RNF128: variants seen among roughly 807,000 people sequenced by gnomAD.
The protein encoded by RNF128 is E3 ubiquitin-protein ligase RNF128.
In RNF128, 13 loss-of-function variants were observed where a neutral mutation model predicts 26.2. The ratio of observed to expected loss-of-function variants is 0.50; its 90% CI spans 0.32 to 0.79. The LOEUF (loss-of-function observed/expected upper bound fraction) is 0.79. Ranked by LOEUF, RNF128 falls within the 30% of genes least tolerant of loss-of-function variation. RNF128 has a pLI of 0.03. For synonymous variants in RNF128, 149 were observed against 142.5 expected, an observed-to-expected ratio of 1.05 and a Z score of -0.32; for missense variants, 315 against 349.7, an observed-to-expected ratio of 0.90 and a Z score of 0.79.
chrX:106,743,640 T>C (rs1247161340), intron 1 of RNF128, among the ~76,000 whole-genome samples: 1 of 112,520 alleles, frequency 8.9e-6, no homozygotes, highest in Non-Finnish European at 1.9e-5. Flanking sequence ...TATCAAAGGA[T>C]AATATCTACA....
intron 1 of RNF128, among the ~76,000 whole-genome samples, chrX:106,710,651 G>C (rs1315456750): frequency 1.9e-5 from 2 of 107,626 alleles, no homozygotes; most frequent in Admixed American, 2.0e-4. Flanking sequence ...CGTCTACTGG[G>C]GAGGCTGAGG....
chrX:106,719,479 C>T (rs989737185), intron 1 of RNF128, among the ~76,000 whole-genome samples: 4 of 111,551 alleles, frequency 3.6e-5, no homozygotes, highest in Non-Finnish European at 7.5e-5. Flanking sequence ...CCTTAGCCTC[C>T]CAAAGTGCTG....
At chrX:106,706,222 C>G (rs1278348135) in intron 1 of RNF128, among the ~76,000 whole-genome samples, 2 of 111,275 alleles carry the variant, frequency 1.8e-5, no homozygotes, top group East Asian at 5.7e-4. Context: ...AGGAGGAAAT[C>G]TCTTAGGGAG....
intron 2 of RNF128, among the ~76,000 whole-genome samples, chrX:106,780,059 G>T (rs1438788828): frequency 9.0e-6 from 1 of 111,038 alleles, no homozygotes; most frequent in Non-Finnish European, 1.9e-5. Context: ...AATCTAGTTT[G>T]CTTATATCTC....
At chrX:106,791,940 CATTTTG>C (rs1930834245) in intron 6 of RNF128, among the ~76,000 whole-genome samples, 1 of 110,810 alleles carries the variant, frequency 9.0e-6, no homozygotes, top group Admixed American at 9.7e-5. Context: ...TCTCAATCCT[CATTTTG>C]AGATAATTTA....
chrX:106,792,904 G>A (rs1930852526), intron 6 of RNF128, among the ~76,000 whole-genome samples: 1 of 111,822 alleles, frequency 8.9e-6, no homozygotes, highest in South Asian at 3.7e-4. Context: ...ACTTAAACCA[G>A]ATTTAATTTT....
At chrX:106,710,897 T>G (rs1929116684) in intron 1 of RNF128, among the ~76,000 whole-genome samples, 1 of 111,421 alleles carries the variant, frequency 9.0e-6, no homozygotes, top group South Asian at 3.8e-4. Context: ...CTTCTGAAGC[T>G]ATAAGCAGAA....
chrX:106,729,191 A>T (rs779319823), intron 1 of RNF128, among the ~76,000 whole-genome samples: 2 of 111,542 alleles, frequency 1.8e-5, no homozygotes, highest in Non-Finnish European at 3.8e-5. Flanking sequence ...CTCCCACTAT[A>T]TGCCAGGCAC....
intron 3 of RNF128, among the ~76,000 whole-genome samples, chrX:106,786,755 G>A (rs1207965237): frequency 9.0e-6 from 1 of 110,625 alleles, no homozygotes; most frequent in Non-Finnish European, 1.9e-5. Context: ...AAACTTAACA[G>A]TAAGAATACA....
At chrX:106,737,780 C>A (rs1400973417) in intron 1 of RNF128, among the ~76,000 whole-genome samples, 1 of 111,552 alleles carries the variant, frequency 9.0e-6, no homozygotes, top group Non-Finnish European at 1.9e-5. Flanking sequence ...CTATATTGAA[C>A]ACAATTCCAA....
chrX:106,788,966 A>G (rs1288251694), intron 4 of RNF128, among the ~76,000 whole-genome samples: 1 of 76,836 alleles, frequency 1.3e-5, no homozygotes, highest in South Asian at 6.3e-4. Flanking sequence ...ATGTACATGT[A>G]CATATATATA....
intron 1 of RNF128, among the ~76,000 whole-genome samples, chrX:106,738,410 A>G: frequency 1.8e-5 from 2 of 111,799 alleles, no homozygotes; most frequent in Middle Eastern, 4.6e-3. Flanking sequence ...GATATTTACT[A>G]CCACACTTTG....
intron 1 of RNF128, among the ~76,000 whole-genome samples, chrX:106,766,976 C>G (rs1930261633): frequency 9.0e-6 from 1 of 111,666 alleles, no homozygotes; most frequent in African/African-American, 3.3e-5. Flanking sequence ...ATAGGGAATC[C>G]TTTCCCCATT....
chrX:106,780,667 G>A (rs991180156), intron 2 of RNF128, among the ~76,000 whole-genome samples: 21 of 111,921 alleles, frequency 1.9e-4, no homozygotes, highest in African/African-American at 6.8e-4. Flanking sequence ...GGCTTTAAAG[G>A]GGTTTTTAAA....
At chrX:106,743,173 G>A (rs935587246) in intron 1 of RNF128, among the ~76,000 whole-genome samples, 2 of 111,895 alleles carry the variant, frequency 1.8e-5, no homozygotes, top group African/African-American at 6.5e-5. Context: ...TTAACTGGGT[G>A]AGCCTGTCAT....
intron 1 of RNF128, among the ~76,000 whole-genome samples, chrX:106,706,563 AG>A (rs948312866): frequency 9.0e-6 from 1 of 111,590 alleles, no homozygotes; most frequent in Non-Finnish European, 1.9e-5. Flanking sequence ...TGGGCTTTGT[AG>A]GGGGATAGAC....
At chrX:106,755,723 A>C (rs1301093625) in intron 1 of RNF128, among the ~76,000 whole-genome samples, 1 of 111,375 alleles carries the variant, frequency 9.0e-6, no homozygotes, top group Non-Finnish European at 1.9e-5. Flanking sequence ...ACGATTAAAA[A>C]CCCTAAAAAA....
intron 1 of RNF128, among the ~76,000 whole-genome samples, chrX:106,699,558 T>C (rs1053158914): frequency 8.9e-6 from 1 of 111,979 alleles, no homozygotes; most frequent in Non-Finnish European, 1.9e-5. Context: ...CTACTCAACC[T>C]ACCCCATATA....
intron 6 of RNF128, among the ~76,000 whole-genome samples, chrX:106,792,757 G>C (rs1930850320): frequency 9.0e-6 from 1 of 111,151 alleles, no homozygotes; most frequent in African/African-American, 3.3e-5. Context: ...ATAGAACTTC[G>C]ATCATTGCAC....
Sources: gnomAD v4.1 joint callset for allele counts (sites outside exome capture counted in the v4.1 genomes callset) on GRCh38, gnomAD v4.1.1 for gene constraint, MANE v1.5 for transcripts, NCBI Gene and HGNC (gene_info 2026-07-23, HGNC 2026-07-21) for gene names.